The following CHCHD6 variants were observed in gnomAD, a reference collection of about 807,000 sequenced individuals.
The protein encoded by CHCHD6 is coiled-coil-helix-coiled-coil-helix domain containing 6.
CHCHD6 carries 28 observed loss-of-function variants against 32.3 expected under a neutral mutation model. The ratio of observed to expected loss-of-function variants is 0.87; its 90% CI spans 0.64 to 1.19. The LOEUF is 1.19. Among genes scored for constraint, CHCHD6 ranks in the 50% most tolerant of loss-of-function variants. The pLI is 0.00. For synonymous variants in CHCHD6, 122 were observed against 117.5 expected (o/e 1.04, Z -0.25); for missense variants, 333 against 307.0 (o/e 1.08, Z -0.63).
intron 4 of CHCHD6, among the ~76,000 whole-genome samples, chr3:126,762,402 T>C (rs1937196428): frequency 6.6e-6 from 1 of 152,194 alleles, no homozygotes. Flanking sequence ...TTTGATAAAT[T>C]GGTTGTTGAG....
chr3:126,712,147 A>G (rs147215132), intron 1 of CHCHD6, among the ~76,000 whole-genome samples: 1,784 of 152,258 alleles, frequency 0.012, 15 homozygotes, highest in Middle Eastern at 0.048. Context: ...GGTGCGTTCC[A>G]TTTTTCTGCC....
chr3:126,872,745 A>T (rs1486839737), intron 5 of CHCHD6, among the ~76,000 whole-genome samples: 1 of 152,080 alleles, frequency 6.6e-6, no homozygotes, highest in Admixed American at 6.5e-5. Flanking sequence ...CCTGGTTTTC[A>T]TCCCTATCTT....
chr3:126,900,125 C>T (rs1159816359), intron 5 of CHCHD6, among the ~76,000 whole-genome samples: 1 of 152,188 alleles, frequency 6.6e-6, no homozygotes, highest in Non-Finnish European at 1.5e-5. Context: ...TCACTGTACA[C>T]ATAATGTGTA....
intron 5 of CHCHD6, among the ~76,000 whole-genome samples, chr3:126,870,216 A>G (rs1219649140): frequency 1.3e-5 from 2 of 152,178 alleles, no homozygotes; most frequent in Non-Finnish European, 2.9e-5. Context: ...ATATTCAGTC[A>G]CTTCTTCCTC....
chr3:126,853,461 A>G (rs913371260), intron 5 of CHCHD6, among the ~76,000 whole-genome samples: 2 of 152,162 alleles, frequency 1.3e-5, no homozygotes, highest in African/African-American at 4.8e-5. Flanking sequence ...AGCTTATTGC[A>G]GGCAAATCTT....
intron 6 of CHCHD6, among the ~76,000 whole-genome samples, chr3:126,916,050 A>T (rs1447143163): frequency 2.0e-5 from 3 of 150,514 alleles, no homozygotes; most frequent in Non-Finnish European, 4.4e-5. Flanking sequence ...GCTGATGGGG[A>T]TACTACATAT....
intron 4 of CHCHD6, among the ~76,000 whole-genome samples, chr3:126,739,159 G>A (rs377562325): frequency 7.0e-4 from 106 of 152,248 alleles, no homozygotes; most frequent in African/African-American, 2.3e-3. Context: ...AGGCATAAAT[G>A]GGAGAAAAAA....
intron 5 of CHCHD6, among the ~76,000 whole-genome samples, chr3:126,910,066 C>T (rs1559916908): frequency 6.6e-6 from 1 of 152,114 alleles, no homozygotes; most frequent in African/African-American, 2.4e-5. Context: ...CACTTGAGCC[C>T]AGGAGTTTGA....
intron 4 of CHCHD6, among the ~76,000 whole-genome samples, chr3:126,789,725 C>T (rs949557117): frequency 1.2e-4 from 18 of 152,168 alleles, no homozygotes; most frequent in Admixed American, 2.6e-4. Context: ...TGTCTCTGCA[C>T]GTGAGATGGG....
chr3:126,861,268 G>T (rs1045952302), intron 5 of CHCHD6, among the ~76,000 whole-genome samples: 1 of 151,930 alleles, frequency 6.6e-6, no homozygotes, highest in Non-Finnish European at 1.5e-5. Context: ...TGAGGATAGT[G>T]GTTAAGGTCA....
intron 5 of CHCHD6, among the ~76,000 whole-genome samples, chr3:126,906,468 C>G (rs1482564537): frequency 6.6e-6 from 1 of 152,260 alleles, no homozygotes; most frequent in African/African-American, 2.4e-5. Flanking sequence ...CTGGCCCTCC[C>G]TGCATCTGTG....
At chr3:126,742,664 A>T (rs1039205988) in intron 4 of CHCHD6, among the ~76,000 whole-genome samples, 1 of 152,166 alleles carries the variant, frequency 6.6e-6, no homozygotes, top group Non-Finnish European at 1.5e-5. Context: ...AAAGGAAGGG[A>T]AACCTGAGAG....
chr3:126,794,461 A>G (rs988685092), intron 4 of CHCHD6, among the ~76,000 whole-genome samples: 4 of 149,700 alleles, frequency 2.7e-5, no homozygotes, highest in Admixed American at 2.7e-4. Flanking sequence ...TATTACATTT[A>G]TTTGTATAAG....
chr3:126,737,328 G>A (rs1936088130), intron 4 of CHCHD6, among the ~76,000 whole-genome samples: 1 of 150,072 alleles, frequency 6.7e-6, no homozygotes, highest in African/African-American at 2.5e-5. Flanking sequence ...AAAAACCCAA[G>A]AAAGCAAAAA....
At chr3:126,776,467 C>A (rs1051592988) in intron 4 of CHCHD6, among the ~76,000 whole-genome samples, 3 of 152,152 alleles carry the variant, frequency 2.0e-5, no homozygotes, top group Admixed American at 2.0e-4. Context: ...TAGAGATCAC[C>A]ACCTGTGACC....
rs1306946505 is a variant in CHCHD6 at position 126,802,324 on chromosome 3, T to C, written c.412-50323T>C. ...GAGATTGAAAATGTTGAAAAAAATT[T>C]AGACGAATGTATAACTAGAATAACC... is the stretch of plus-strand genomic sequence containing the variant. On this transcript the variant is annotated intron_variant, in intron 4 of 7. Transcript: ENST00000290913. Among the ~76,000 whole-genome samples, 7 of 152,314 alleles carry C rather than the reference T, an allele frequency of 4.6e-5. No individual in the cohort carries two copies. In the East Asian group the frequency reaches 1.4e-3, roughly 29 times the overall value.
chr3:126,865,978 A>G (rs1324087113), intron 5 of CHCHD6, among the ~76,000 whole-genome samples: 1 of 152,150 alleles, frequency 6.6e-6, no homozygotes, highest in Non-Finnish European at 1.5e-5. Flanking sequence ...TACAGTGCCC[A>G]AGACCTGTCA....
intron 5 of CHCHD6, among the ~76,000 whole-genome samples, chr3:126,863,071 ATCACCT>A (rs1942011228): frequency 4.2e-5 from 1 of 23,648 alleles, no homozygotes; most frequent in Non-Finnish European, 8.1e-5. Context: ...CTCCACCATC[ATCACCT>A]CCTCCTCCTC....
At chr3:126,816,861 C>T (rs761408893) in intron 4 of CHCHD6, among the ~76,000 whole-genome samples, 21 of 152,204 alleles carry the variant, frequency 1.4e-4, no homozygotes, top group Non-Finnish European at 2.5e-4. Context: ...ATCCCTCCCC[C>T]CTCTTCCCAC....
Sources: gnomAD v4.1 joint callset for allele counts (sites outside exome capture counted in the v4.1 genomes callset) on GRCh38, gnomAD v4.1.1 for gene constraint, MANE v1.5 for transcripts, NCBI Gene and HGNC (gene_info 2026-07-23, HGNC 2026-07-21) for gene names.